Variants in XPO5 observed in about 807,000 individuals in gnomAD.
The protein encoded by XPO5 is exportin-5.
Under a neutral mutation model 160.6 loss-of-function variants are expected in XPO5, and 46 were observed. That is an observed-to-expected ratio of 0.29 (90% confidence interval 0.23 to 0.37). The LOEUF (loss-of-function observed/expected upper bound fraction) is 0.37. XPO5 is among the 10% of genes least tolerant of loss of function. XPO5 has a pLI of 1.00. For synonymous variants in XPO5, 537 were observed against 519.3 expected, an observed-to-expected ratio of 1.03 and a Z score of -0.46; for missense variants, 1,090 against 1,463.9, an observed-to-expected ratio of 0.74 and a Z score of 4.17.
At chr6:43,560,451 C>T (rs1762359818) in intron 10 of XPO5, 148 bp from the exon 11 acceptor site, 1 of 992,960 alleles carries the variant, frequency 1.0e-6, no homozygotes, top group African/African-American at 1.6e-5. Flanking sequence ...TCAGTAATGA[C>T]CACCCACTAT....
chr6:43,553,281 AAC>A (rs756250946), intron 14 of XPO5, 90 bp downstream of exon 14: 18 of 1,443,178 alleles, frequency 1.2e-5, no homozygotes, highest in Non-Finnish European at 1.7e-5. Context: ...CAGCCTGAGC[AAC>A]AGAGAGATAT....
chr6:43,525,140 T>C lies in XPO5; in HGVS notation c.3141A>G (p.Thr1047=). The C allele has an allele frequency of 6.3e-7, 1 of 1,581,528 alleles. No homozygotes were observed. The highest frequency in any genetic ancestry group is 8.6e-7 in the Non-Finnish European group (1 of 1,163,012). The change falls in exon 29 of 32, where the codon ACA becomes ACG. Residue 1047 remains threonine, a synonymous_variant. Coordinates refer to ENST00000265351, the MANE Select transcript of XPO5 (RefSeq NM_020750.3). ...GGAGAGGCCAGCAGAGCTGTGAGGT[T>C]GTCCTCTGGCAGGACAGAGTATCTT... ...AWKDTLSCQR[T]TSQLCWPLLK...
At position 43,560,203 on chromosome 6, in the gene XPO5, C is replaced by A. The variant is rs1413063117; in HGVS notation, c.1196G>T (p.Arg399Leu). 6.2e-7 allele frequency: 1 copy of A among 1,612,074 alleles called. No homozygotes were observed. Among genetic ancestry groups the A allele is most frequent in the African/African-American group, 1.3e-5 (1 of 74,788 alleles). Residue 399 changes from arginine (R) to leucine (L), a missense_variant, in exon 11 of 32, where the codon CGT becomes CTT. Around this residue, in one of 3 missense-constraint regions of XPO5, gnomAD observed 810 missense variants for 1,139.0 expected, o/e 0.71. Transcript: ENST00000265351. ...LLLAIIPKYL[R>L]ASMTNLVKMG... ...CTTGACCAAGTTAGTCATGGAAGCA[C>A]GAAGATATTTTGGTATTATTGCTAA...
chr6:43,543,729 C>T (rs1052655317), intron 20 of XPO5, among the ~76,000 whole-genome samples: 1 of 151,666 alleles, frequency 6.6e-6, no homozygotes, highest in African/African-American at 2.4e-5. Context: ...ACAGGGAAGA[C>T]TCTTCCCTGT....
chr6:43,554,579 C>T (rs1231300060), intron 13 of XPO5, among the ~76,000 whole-genome samples: 3 of 151,970 alleles, frequency 2.0e-5, no homozygotes, highest in Admixed American at 6.6e-5. Flanking sequence ...GGCCCACCAC[C>T]ACGCCTGGCT....
At chr6:43,572,472 T>C in intron 3 of XPO5, 34 bp downstream of exon 3, 1 of 1,611,088 alleles carries the variant, frequency 6.2e-7, no homozygotes, top group Non-Finnish European at 8.5e-7. Flanking sequence ...CTAAACTACC[T>C]TGGAAACATG....
intron 1 of XPO5, among the ~76,000 whole-genome samples, chr6:43,574,096 C>T (rs1236358347): frequency 1.3e-5 from 2 of 151,848 alleles, no homozygotes; most frequent in East Asian, 3.9e-4. Flanking sequence ...TCCCAAAGTG[C>T]TGGGATTACA....
At chr6:43,565,405 A>T (rs1446028125) in intron 8 of XPO5, among the ~76,000 whole-genome samples, 1 of 151,860 alleles carries the variant, frequency 6.6e-6, no homozygotes, top group East Asian at 2.0e-4. Context: ...TGTCTCTACT[A>T]AAAATAGAAA....
intron 27 of XPO5, 193 bp from the exon 28 acceptor site, chr6:43,526,114 T>C (rs1561862906): frequency 1.7e-6 from 1 of 581,398 alleles, no homozygotes; most frequent in East Asian, 2.9e-5. Context: ...GCACTCAAGC[T>C]GTACATGAGG....
intron 31 of XPO5, 87 bp downstream of exon 31, chr6:43,524,384 G>A (rs1793408019): frequency 7.1e-7 from 1 of 1,404,572 alleles, no homozygotes; most frequent in African/African-American, 1.4e-5. Context: ...TCACCATAAT[G>A]GTCAATAACT....
intron 24 of XPO5, 82 bp downstream of exon 24, chr6:43,528,746 G>C: frequency 2.3e-6 from 3 of 1,328,234 alleles, no homozygotes; most frequent in Non-Finnish European, 3.2e-6. Context: ...AACACTTCTA[G>C]GAGCTCCTGA....
chr6:43,531,352 T>C (rs944199312), intron 22 of XPO5, 127 bp downstream of exon 22: 1 of 829,614 alleles, frequency 1.2e-6, no homozygotes, highest in African/African-American at 1.7e-5. Context: ...AACACTAGAA[T>C]GATAAGTTTC....
chr6:43,546,850 A>G, intron 19 of XPO5, 98 bp from the exon 20 acceptor site: 1 of 1,159,574 alleles, frequency 8.6e-7, no homozygotes, highest in Non-Finnish European at 1.2e-6. Flanking sequence ...AAAGTGACAC[A>G]GAGGCCAGAG....
rs113234095 is a variant in XPO5, at chr6:43,573,785, C to T, written c.106-184G>A. On this transcript the variant is annotated intron_variant, in intron 1 of 31. Coordinates refer to ENST00000265351, the MANE Select transcript of XPO5 (RefSeq NM_020750.3). Reference sequence around the variant, plus strand: ...TCTGAGACTAGCCTAGGCAACATGGCGAAACCCCATCTCTATTAAATATAT... The same window carrying T: ...TCTGAGACTAGCCTAGGCAACATGGTGAAACCCCATCTCTATTAAATATAT... Among the ~76,000 whole-genome samples, 4,905 of 147,982 alleles carry T rather than the reference C, an allele frequency of 0.033. 263 individuals carry two copies. Among genetic ancestry groups the T allele is most frequent in the African/African-American group, 0.11 (4,532 of 40,284 alleles).
At chr6:43,550,127 C>G (rs761411954) in intron 15 of XPO5, among the ~76,000 whole-genome samples, 193 bp from the exon 16 acceptor site, 1 of 152,154 alleles carries the variant, frequency 6.6e-6, no homozygotes, top group South Asian at 2.1e-4. Context: ...CAAGAGTCAT[C>G]GGAGTCACAA....
At position 43,570,415 on chromosome 6, in the gene XPO5, C is replaced by T. The variant is rs1762955288; in HGVS notation, c.621+87G>A. 2.6e-6 allele frequency: 3 copies of T among 1,157,866 alleles called. No individual in the cohort carries two copies. The African/African-American group carries it at 4.8e-5, about 18-fold the overall frequency. 71.7% of individuals were successfully genotyped at this position (1,157,866 alleles called of 1,614,324 possible). On this transcript the variant is annotated intron_variant, in intron 5 of 31. Coordinates refer to ENST00000265351, the MANE Select transcript of XPO5 (RefSeq NM_020750.3). ...ATAAAATAGGATTTCATTTTGCTGACCTAGACACCCTAGTTCCTTACTGTA... is the reference window on the plus strand; with the variant it reads ...ATAAAATAGGATTTCATTTTGCTGATCTAGACACCCTAGTTCCTTACTGTA...
Position 43,553,409 on chromosome 6 carries a change from A to T in XPO5, c.1536T>A (p.Ser512Arg). 1 of 1,606,942 alleles carries T rather than the reference A, an allele frequency of 6.2e-7. No homozygotes were observed. Among genetic ancestry groups the T allele is most frequent in the South Asian group, 1.1e-5 (1 of 89,374 alleles). ...GTGTTCGAAACATCTGGGTGATAAC[A>T]CTTTCCAAAAAAAGAGTCATGGCTT... ...QWEAMTLFLE[S>R]VITQMFRTLN... is the part of the protein sequence containing the mutation. Residue 512 changes from serine (S) to arginine (R), a missense_variant, in exon 14 of 32, where the codon AGT becomes AGA. By Grantham distance (110) the Ser-to-Arg change is moderately radical. Transcript: ENST00000265351.
intron 6 of XPO5, among the ~76,000 whole-genome samples, chr6:43,567,633 C>G (rs575687444): frequency 2.0e-5 from 3 of 152,184 alleles, no homozygotes; most frequent in Non-Finnish European, 4.4e-5. Flanking sequence ...TGGCACACAC[C>G]TGCAATACCA....
chr6:43,570,768 A>T, intron 4 of XPO5, 84 bp from the exon 5 acceptor site: 1 of 1,536,112 alleles, frequency 6.5e-7, no homozygotes, highest in Non-Finnish European at 8.7e-7. Context: ...TGTTGCCAAA[A>T]AAAAAAACCC....
Sources: allele counts gnomAD v4.1 joint callset (sites outside exome capture counted in the v4.1 genomes callset), GRCh38; gene constraint gnomAD v4.1.1; regional missense constraint gnomAD v4.1.1; transcripts MANE v1.5; gene names NCBI Gene and HGNC (gene_info 2026-07-23, HGNC 2026-07-21).